The following CLIP2 variants were observed in gnomAD, a reference collection of about 807,000 sequenced individuals.
CLIP2 encodes CAP-Gly domain containing linker protein 2, also known as CAP-Gly domain-containing linker protein 2.
A neutral mutation model predicts 111.7 loss-of-function variants in CLIP2; 41 were observed. The observed-to-expected ratio is 0.37, with a 90% CI of 0.29 to 0.48. CLIP2 has a LOEUF of 0.48. Ranked by LOEUF, CLIP2 falls within the 20% of genes least tolerant of loss-of-function variation. The pLI is 0.99. For missense variants in CLIP2, 1,160 were observed against 1,422.1 expected (o/e 0.82, Z 2.96); for synonymous variants, 660 against 644.2 (o/e 1.02, Z -0.37).
intron 3 of CLIP2, among the ~76,000 whole-genome samples, chr7:74,340,111 TAAG>T (rs1789616110): frequency 6.8e-6 from 1 of 147,676 alleles, no homozygotes; most frequent in African/African-American, 2.5e-5. Flanking sequence ...ATAATAATAA[TAAG>T]GCCAAGCACG....
chr7:74,362,985 T>A (rs1380735346), intron 7 of CLIP2, among the ~76,000 whole-genome samples: 2 of 151,380 alleles, frequency 1.3e-5, no homozygotes, highest in African/African-American at 2.4e-5. Flanking sequence ...TAGGAGGCCC[T>A]AGGAAGAGCA....
intron 6 of CLIP2, among the ~76,000 whole-genome samples, chr7:74,359,644 T>C (rs144864514): frequency 2.0e-4 from 31 of 152,284 alleles, no homozygotes; most frequent in East Asian, 9.6e-4. Context: ...CAGGAGCCAC[T>C]GCACCCGGCC....
rs1431313010 is a variant in CLIP2 at position 74,302,143 on chromosome 7, G to A, written c.-68+12409G>A. 3.3e-5 allele frequency among the ~76,000 whole-genome samples: 5 copies of A among 152,048 alleles called. No homozygotes were observed. In the South Asian group the frequency reaches 6.2e-4, roughly 19 times the overall value. ...CTCCCGCGAGACAGACAGGCTGGGC[G>A]TTCCCAGGGCCCTGTGGTCCCTCAG... On this transcript the variant is annotated intron_variant, in intron 1 of 16. Coordinates refer to ENST00000223398, the MANE Select transcript of CLIP2 (RefSeq NM_003388.5).
intron 2 of CLIP2, among the ~76,000 whole-genome samples, chr7:74,332,300 C>T (rs993704459): frequency 1.6e-4 from 25 of 151,922 alleles, no homozygotes; most frequent in Admixed American, 5.3e-4. Context: ...TCTTGAACTC[C>T]TGACATCAGG....
chr7:74,326,458 A>G (rs1254855304), intron 2 of CLIP2, among the ~76,000 whole-genome samples: 6 of 152,144 alleles, frequency 3.9e-5, no homozygotes, highest in Non-Finnish European at 7.4e-5. Context: ...GTTGGTCACA[A>G]CTGTCCCCTA....
Position 74,360,219 on chromosome 7 carries a change from C to T in CLIP2, c.1260C>T (p.Leu420=), listed in dbSNP as rs560402454. Residue 420 remains leucine (L), a synonymous_variant, in exon 7 of 17, where the codon CTC becomes CTT. Coordinates refer to ENST00000223398, the MANE Select transcript of CLIP2 (RefSeq NM_003388.5). ...AGAAGCTGCAGCGAGCCCGGCTGCT[C>T]GTGGAGAGCGTGCGGAAAGAGAAGG... ...AEEKLQRARL[L]VESVRKEKVD... is the part of the protein sequence containing the mutation. The T allele has an allele frequency of 6.2e-6, 10 of 1,607,856 alleles. No individual in the cohort carries two copies. The highest frequency in any genetic ancestry group is 2.7e-5 in the African/African-American group (2 of 74,972).
intron 1 of CLIP2, among the ~76,000 whole-genome samples, chr7:74,316,345 A>G (rs1020995502): frequency 6.6e-6 from 1 of 151,890 alleles, no homozygotes; most frequent in Non-Finnish European, 1.5e-5. Context: ...CTCAGGCTCA[A>G]AAAATCCTCC....
intron 11 of CLIP2, among the ~76,000 whole-genome samples, chr7:74,385,002 C>T (rs1386281115): frequency 2.0e-5 from 3 of 150,754 alleles, no homozygotes; most frequent in Non-Finnish European, 2.9e-5. Context: ...TTAGGCTAGG[C>T]GCGGTGGCTC....
At chr7:74,306,251 C>T (rs1184786511) in intron 1 of CLIP2, among the ~76,000 whole-genome samples, 1 of 152,094 alleles carries the variant, frequency 6.6e-6, no homozygotes, top group Non-Finnish European at 1.5e-5. Context: ...CTGAGCCTAC[C>T]TCTGGGGCCT....
chr7:74,334,680 G>T (rs2116547042), intron 2 of CLIP2, among the ~76,000 whole-genome samples: 1 of 152,226 alleles, frequency 6.6e-6, no homozygotes, highest in South Asian at 2.1e-4. Context: ...TGTGCGTGTG[G>T]TCAAGAGGGA....
rs1789539596 is a variant in CLIP2 at position 74,338,357 on chromosome 7, C to T, written c.122-91C>T. The T allele has an allele frequency of 7.4e-7, 1 of 1,358,500 alleles. No individual in the cohort carries two copies. The highest frequency in any genetic ancestry group is 1.5e-5 in the African/African-American group (1 of 67,912). 84.2% of individuals were successfully genotyped at this position (1,358,500 alleles called of 1,614,324 possible). A position where few individuals can be genotyped will look rare whatever the true frequency, so the allele number is the denominator to read the frequency against. The stretch of plus-strand genomic sequence containing the variant: ...TCTCTACCCAAAAATACAAATCAGC[C>T]ACCTCCCAACCCTAGACTCTGTGCT... On this transcript the variant is annotated intron_variant, in intron 2 of 16. Coordinates refer to ENST00000223398, the MANE Select transcript of CLIP2 (RefSeq NM_003388.5). The surrounding 1 kb of genome is among the most constrained non-coding windows in gnomAD (Gnocchi z 4.3).
Position 74,394,250 on chromosome 7 carries a change from T to A in CLIP2, c.2721-2824T>A, listed in dbSNP as rs532104078. Among the ~76,000 whole-genome samples the A allele has an allele frequency of 9.6e-5, 14 of 145,520 alleles. No homozygotes were observed. In the South Asian group the frequency reaches 2.9e-3, roughly 30 times the overall value. On this transcript the variant is annotated intron_variant, in intron 13 of 16. Coordinates refer to ENST00000223398, the MANE Select transcript of CLIP2 (RefSeq NM_003388.5). ...GATACCTTCTTTTTCTTCTTATTTT[T>A]TTTTTTTTTTTTTTTTTGAGATGGA...
intron 1 of CLIP2, among the ~76,000 whole-genome samples, chr7:74,300,992 T>C (rs1788320372): frequency 6.6e-6 from 1 of 152,216 alleles, no homozygotes; most frequent in South Asian, 2.1e-4. Context: ...GTTCAGTTCT[T>C]TGAGAAATCT....
intron 1 of CLIP2, among the ~76,000 whole-genome samples, chr7:74,306,830 C>T (rs570321049): frequency 1.3e-5 from 2 of 152,290 alleles, no homozygotes; most frequent in Admixed American, 6.5e-5. Context: ...ACTTGTACCC[C>T]ATTTTACAGG....
At chr7:74,326,557 T>G (rs1789111927) in intron 2 of CLIP2, among the ~76,000 whole-genome samples, 1 of 151,946 alleles carries the variant, frequency 6.6e-6, no homozygotes, top group Admixed American at 6.6e-5. Context: ...GACGGGGAGT[T>G]GGGCTATGTG....
intron 13 of CLIP2, among the ~76,000 whole-genome samples, chr7:74,392,350 CAAAA>C (rs56386461): frequency 1.6e-5 from 2 of 127,164 alleles, no homozygotes; most frequent in Non-Finnish European, 3.3e-5. Flanking sequence ...GACTCCATCT[CAAAA>C]AAAAAAAAAA....
At chr7:74,375,864 CCT>C in intron 9 of CLIP2, 21 bp from the exon 10 acceptor site, 1 of 1,483,602 alleles carries the variant, frequency 6.7e-7, no homozygotes, top group Admixed American at 2.4e-5. Context: ...CCCGCTGATC[CCT>C]GTCTCCCTCT....
chr7:74,310,720 T>C (rs1357376381), intron 1 of CLIP2, among the ~76,000 whole-genome samples: 5 of 151,962 alleles, frequency 3.3e-5, no homozygotes, highest in Non-Finnish European at 7.4e-5. Context: ...AACTTTCTTT[T>C]TTTTTTTTTG....
At chr7:74,328,161 C>T (rs942518036) in intron 2 of CLIP2, among the ~76,000 whole-genome samples, 4 of 151,940 alleles carry the variant, frequency 2.6e-5, no homozygotes, top group African/African-American at 4.8e-5. Context: ...GATGTAGACT[C>T]GGTCCTCCCT....
Sources: allele counts gnomAD v4.1 joint callset (sites outside exome capture counted in the v4.1 genomes callset), GRCh38; gene constraint gnomAD v4.1.1; non-coding constraint Gnocchi (gnomAD v3.1); transcripts MANE v1.5; gene names NCBI Gene and HGNC (gene_info 2026-07-23, HGNC 2026-07-21).